MYL10: variants seen among roughly 807,000 people sequenced by gnomAD.
The protein encoded by MYL10 is myosin regulatory light chain 10.
Under a neutral mutation model 21.9 loss-of-function variants are expected in MYL10, and 18 were observed. The observed-to-expected ratio is 0.82, with a 90% CI of 0.57 to 1.22. The LOEUF is 1.22. Among genes scored for constraint, MYL10 ranks in the 50% most tolerant of loss-of-function variants. The probability of loss-of-function intolerance (pLI) is 0.00; values close to 1 mark genes in which losing one functional copy is unlikely to be tolerated. For synonymous variants in MYL10, 88 were observed against 82.8 expected (o/e 1.06, Z -0.34); for missense variants, 225 against 230.4 (o/e 0.98, Z 0.15).
In MYL10 at chr7:101,622,189, C is replaced by T. The variant is rs922196184; in HGVS notation, c.361G>A (p.Val121Ile). Reference protein sequence around the residue: ...DTFAALGRINVKNEELEAMVK... With the variant: ...DTFAALGRINIKNEELEAMVK... ...ATGGCCTCCAGTTCCTCGTTCTTGACATTGATGCGGCCTGTGGGAGGTGAG... is the reference window on the plus strand; with the variant it reads ...ATGGCCTCCAGTTCCTCGTTCTTGATATTGATGCGGCCTGTGGGAGGTGAG... Residue 121 changes from valine to isoleucine, a missense_variant, in exon 5 of 8, where the codon GTC (valine) becomes ATC (isoleucine). Transcript: ENST00000223167. 4 of 1,612,714 alleles carry T rather than the reference C, an allele frequency of 2.5e-6. No homozygotes were observed. The African/African-American group carries it at 4.0e-5, about 16-fold the overall frequency.
chr7:101,626,333 A>G (rs10225578), intron 1 of MYL10, among the ~76,000 whole-genome samples: 39,214 of 152,134 alleles, frequency 0.26, 5,274 homozygotes, highest in African/African-American at 0.32. Flanking sequence ...TTGGTCCCCA[A>G]GAAGATCACA....
intron 5 of MYL10, among the ~76,000 whole-genome samples, 160 bp from the exon 6 acceptor site, chr7:101,616,458 C>T (rs886302503): frequency 4.6e-5 from 7 of 152,108 alleles, no homozygotes; most frequent in Admixed American, 2.6e-4. Flanking sequence ...CACTGCACAG[C>T]GAGGGCCGAG....
chr7:101,619,612 G>A (rs1275536304), intron 5 of MYL10, among the ~76,000 whole-genome samples: 4 of 152,184 alleles, frequency 2.6e-5, no homozygotes, highest in African/African-American at 4.8e-5. Context: ...ACCAGAGGCC[G>A]GGCACGGTGG....
intron 1 of MYL10, among the ~76,000 whole-genome samples, chr7:101,626,436 A>G (rs939075188): frequency 2.8e-4 from 43 of 152,270 alleles, no homozygotes; most frequent in African/African-American, 1.0e-3. Flanking sequence ...GCCCTCGGGC[A>G]GTCAGGAGGT....
chr7:101,614,692 G>A (rs1348975495), intron 6 of MYL10, among the ~76,000 whole-genome samples: 2 of 152,166 alleles, frequency 1.3e-5, no homozygotes, highest in Non-Finnish European at 2.9e-5. Flanking sequence ...ACTGTGGACT[G>A]CAGCAACCCT....
intron 5 of MYL10, among the ~76,000 whole-genome samples, chr7:101,619,254 C>T (rs1407702661): frequency 6.6e-6 from 1 of 152,222 alleles, no homozygotes; most frequent in Non-Finnish European, 1.5e-5. Flanking sequence ...GCCTCCTGGG[C>T]TTCTGAGCTC....
intron 3 of MYL10, 24 bp from the exon 4 acceptor site, chr7:101,623,096 T>C: frequency 6.2e-7 from 1 of 1,608,866 alleles, no homozygotes; most frequent in South Asian, 1.1e-5. Context: ...AGGTGCTAAG[T>C]AGTCACCTGC....
chr7:101,628,482 A>G (rs1796771756), intron 1 of MYL10, among the ~76,000 whole-genome samples: 1 of 152,132 alleles, frequency 6.6e-6, no homozygotes, highest in Non-Finnish European at 1.5e-5. Context: ...AGAAAACTGG[A>G]GGTGACTCTG....
rs559214759 is a variant in MYL10 at position 101,616,196 on chromosome 7, T to G, written c.533+24A>C. 8.7e-4 allele frequency: 1,398 copies of G among 1,606,708 alleles called. 23 individuals are homozygous for G. In the South Asian group the frequency reaches 0.015, roughly 17 times the overall value. ...AAGCTGGCTTATTCCCCTGAGCATT[T>G]TGGGGGAGTCAGGGGAAACTTACAC... On this transcript the variant is annotated intron_variant, in intron 6 of 7. Coordinates refer to ENST00000223167, the MANE Select transcript of MYL10 (RefSeq NM_138403.5).
At chr7:101,616,477 AAG>A (rs1796611155) in intron 5 of MYL10, among the ~76,000 whole-genome samples, 179 bp from the exon 6 acceptor site, 1 of 152,204 alleles carries the variant, frequency 6.6e-6, no homozygotes, top group African/African-American at 2.4e-5. Context: ...AGCTCACTTG[AAG>A]CAAGAACAAG....
In MYL10 at chr7:101,627,981, G is replaced by A. The variant is rs546047491; in HGVS notation, c.78+1060C>T. Reference sequence around the variant, plus strand: ...GAGGCTCAGCCATCTCATAGGAATAGGGGGGAGTGTATGAAACCCCCGGTC... The same window carrying A: ...GAGGCTCAGCCATCTCATAGGAATAAGGGGGAGTGTATGAAACCCCCGGTC... On this transcript the variant is annotated intron_variant, in intron 1 of 7. Transcript: ENST00000223167. Among the ~76,000 whole-genome samples, 4 of 152,280 alleles carry A rather than the reference G, an allele frequency of 2.6e-5. 1 individual carries two copies. The highest frequency in any genetic ancestry group is 1.9e-4 in the East Asian group (1 of 5,170).
intron 3 of MYL10, among the ~76,000 whole-genome samples, chr7:101,623,452 T>G: frequency 6.6e-6 from 1 of 152,110 alleles, no homozygotes; most frequent in Non-Finnish European, 1.5e-5. Flanking sequence ...CCCAGCAATT[T>G]GGGAGGCAGA....
At chr7:101,621,589 ATGG>A (rs1400858354) in intron 5 of MYL10, among the ~76,000 whole-genome samples, 4 of 130,848 alleles carry the variant, frequency 3.1e-5, no homozygotes, top group African/African-American at 5.1e-5. Flanking sequence ...TTTAGTTTTT[ATGG>A]TTGTTGTTGT....
intron 4 of MYL10, among the ~76,000 whole-genome samples, 154 bp downstream of exon 4, chr7:101,622,843 C>T (rs892379570): frequency 9.9e-5 from 15 of 152,048 alleles, no homozygotes; most frequent in Admixed American, 3.3e-4. Flanking sequence ...CAGGAAGGTC[C>T]CCCCCTGACT....
Position 101,616,287 on chromosome 7 carries a change from C to A in MYL10, c.466G>T (p.Glu156Ter). 6.2e-7 allele frequency: 1 copy of A among 1,614,098 alleles called. No individual in the cohort carries two copies. Among genetic ancestry groups the A allele is most frequent in the Non-Finnish European group, 8.5e-7 (1 of 1,179,972 alleles). ...TTGAAGGCGTGGAGAATGGTCTCCT[C>A]TGGGTCCGTGCCTATAAGCAGCACA... The part of the protein sequence containing the change: ...FGEKLKGTDP[E>*]ETILHAFKVF... Residue 156 changes from glutamate to a stop codon, truncating the protein, a stop_gained, in exon 6 of 8, where the codon GAG becomes TAG. Coordinates refer to ENST00000223167, the MANE Select transcript of MYL10 (RefSeq NM_138403.5). LOFTEE classifies it high-confidence loss of function.
rs118192024 is a variant in MYL10 at position 101,614,714 on chromosome 7, C to T, written c.534-1004G>A. On this transcript the variant is annotated intron_variant, in intron 6 of 7. Coordinates refer to ENST00000223167, the MANE Select transcript of MYL10 (RefSeq NM_138403.5). ...ACTGCAGCAACCCTCAGCATCCCCT[C>T]CCCATCCCAGGGGAGTATGTGACTC... 2.5e-3 allele frequency among the ~76,000 whole-genome samples: 376 copies of T among 152,248 alleles called. 1 individual carries two copies. Among genetic ancestry groups the T allele is most frequent in the Non-Finnish European group, 3.9e-3 (262 of 67,998 alleles).
chr7:101,620,415 G>A lies in MYL10; in HGVS notation c.454+1681C>T, dbSNP rs867899645. On this transcript the variant is annotated intron_variant, in intron 5 of 7. Transcript: ENST00000223167. The stretch of plus-strand genomic sequence containing the variant: ...TGACGGCGAGGCTGAGATGGGAGAG[G>A]TAGAGCCACCAGAGGCTGGGAGAGA... Among the ~76,000 whole-genome samples the A allele has an allele frequency of 9.9e-5, 15 of 152,214 alleles. No individual in the cohort carries two copies. In the South Asian group the frequency reaches 3.1e-3, roughly 32 times the overall value.
At chr7:101,628,536 TCA>T (rs1010193243) in intron 1 of MYL10, among the ~76,000 whole-genome samples, 16 of 152,232 alleles carry the variant, frequency 1.1e-4, no homozygotes, top group East Asian at 1.9e-4. Flanking sequence ...CACCCTGGCC[TCA>T]CACACACACA....
intron 5 of MYL10, among the ~76,000 whole-genome samples, chr7:101,617,892 A>G (rs1443402556): frequency 2.1e-5 from 3 of 144,026 alleles, no homozygotes; most frequent in East Asian, 5.0e-4. Context: ...ACTGGGTCAG[A>G]GCCAAGTGTG....
Sources: gnomAD v4.1 joint callset for allele counts (sites outside exome capture counted in the v4.1 genomes callset) on GRCh38, gnomAD v4.1.1 for gene constraint, MANE v1.5 for transcripts, NCBI Gene and HGNC (gene_info 2026-07-23, HGNC 2026-07-21) for gene names.